The following SVOPL variants were observed in gnomAD, a reference collection of about 807,000 sequenced individuals.
SVOPL encodes the protein SVOP like.
Under a neutral mutation model 61.0 loss-of-function variants are expected in SVOPL, and 60 were observed. The ratio of observed to expected loss-of-function variants is 0.98; its 90% CI spans 0.80 to 1.22. The LOEUF (loss-of-function observed/expected upper bound fraction) is 1.22. Among genes scored for constraint, SVOPL ranks in the 50% most tolerant of loss-of-function variants. SVOPL has a pLI of 0.00. For synonymous variants in SVOPL, 279 were observed against 250.0 expected (o/e 1.12, Z -1.09); for missense variants, 662 against 643.9 (o/e 1.03, Z -0.30).
chr7:138,686,017 T>G (rs1027291107), intron 1 of SVOPL, among the ~76,000 whole-genome samples: 7 of 152,160 alleles, frequency 4.6e-5, no homozygotes, highest in Admixed American at 2.0e-4. Context: ...ATGTACCAGT[T>G]TTTATGTCAT....
At chr7:138,661,421 G>A in intron 5 of SVOPL, 2 of 984,944 alleles carry the variant, frequency 2.0e-6, no homozygotes, top group South Asian at 4.7e-5. Context: ...AGAACAGTCT[G>A]AGGAATGTGA....
In SVOPL at chr7:138,678,518, C is replaced by A. The variant is rs1802627341; in HGVS notation, c.90G>T (p.Lys30Asn). Reference sequence around the variant, plus strand: ...CCACTGCATCTTCCACGGTGAACGTCTTTGGCTCTAACAACGAAAGACAAA... The same window carrying A: ...CCACTGCATCTTCCACGGTGAACGTATTTGGCTCTAACAACGAAAGACAAA... ...GTAEPQVKEP[K>N]TFTVEDAVET... Residue 30 changes from lysine (K) to asparagine (N), a missense_variant, in exon 3 of 16, where the codon AAG (lysine) becomes AAT (asparagine). Transcript: ENST00000674285. 2.6e-6 allele frequency: 4 copies of A among 1,551,952 alleles called. No homozygotes were observed. Among genetic ancestry groups the A allele is most frequent in the Admixed American group, 2.0e-5 (1 of 50,966 alleles).
chr7:138,663,359 G>GC, intron 4 of SVOPL: 2 of 1,409,166 alleles, frequency 1.4e-6, no homozygotes, highest in Non-Finnish European at 1.8e-6. Flanking sequence ...GGCAGATCCT[G>GC]CCCCAGGTGG....
At chr7:138,677,468 G>GCT (rs1802595745) in intron 3 of SVOPL, among the ~76,000 whole-genome samples, 1 of 152,092 alleles carries the variant, frequency 6.6e-6, no homozygotes, top group South Asian at 2.1e-4. Flanking sequence ...ATAACATTAT[G>GCT]TGAAAAAGAA....
At chr7:138,656,588 T>C (rs1341257450) in intron 6 of SVOPL, 77 bp from the exon 7 acceptor site, 2 of 1,469,618 alleles carry the variant, frequency 1.4e-6, no homozygotes, top group African/African-American at 2.8e-5. Context: ...CAGTTTTTCT[T>C]GTCACAGGGA....
chr7:138,656,034 T>C (rs769587299), intron 7 of SVOPL, among the ~76,000 whole-genome samples: 4 of 152,248 alleles, frequency 2.6e-5, no homozygotes, highest in Non-Finnish European at 4.4e-5. Flanking sequence ...GCAAACTTCA[T>C]TGTTATCTTT....
intron 8 of SVOPL, among the ~76,000 whole-genome samples, chr7:138,647,414 G>A (rs191867424): frequency 1.2e-3 from 183 of 152,026 alleles, no homozygotes; most frequent in Non-Finnish European, 5.7e-4. Flanking sequence ...ATGACATGGC[G>A]AGAAGATAGC....
At chr7:138,699,356 A>G (rs1803140469) in intron 1 of SVOPL, among the ~76,000 whole-genome samples, 1 of 152,204 alleles carries the variant, frequency 6.6e-6, no homozygotes, top group Non-Finnish European at 1.5e-5. Flanking sequence ...AGAGTTACCA[A>G]ATACATATAT....
intron 14 of SVOPL, among the ~76,000 whole-genome samples, chr7:138,618,745 AAAGG>A (rs1164338439): frequency 1.3e-5 from 2 of 152,202 alleles, no homozygotes; most frequent in African/African-American, 4.8e-5. Flanking sequence ...AGGAAAAAGA[AAAGG>A]AAAGAAAGAA....
intron 13 of SVOPL, among the ~76,000 whole-genome samples, chr7:138,624,900 G>C (rs1273548939): frequency 1.3e-5 from 2 of 151,864 alleles, no homozygotes; most frequent in Non-Finnish European, 2.9e-5. Flanking sequence ...TGGCATTTTG[G>C]TTTCCTTGCC....
In SVOPL at chr7:138,649,123, C is replaced by T. The variant is rs756356205; in HGVS notation, c.549G>A (p.Ala183=). Residue 183 remains alanine (A), a synonymous_variant, in exon 8 of 16, where the codon GCG becomes GCA. Coordinates refer to ENST00000674285, the MANE Select transcript of SVOPL (RefSeq NM_001139456.2). ...MLPLSQVFWL[A]GSLLIIGLAS... is the part of the protein sequence containing the mutation. ...CCAAGCCAATGATGAGCAGGGAGCC[C>T]GCAAGCCAGAACACCTAGGAAGAGA... 3.1e-5 allele frequency: 50 copies of T among 1,612,844 alleles called. 2 individuals carry two copies. The South Asian group carries it at 3.7e-4, about 12-fold the overall frequency.
intron 9 of SVOPL, among the ~76,000 whole-genome samples, chr7:138,642,816 C>A (rs145358582): frequency 1.6e-5 from 2 of 123,874 alleles, no homozygotes; most frequent in Non-Finnish European, 1.6e-5. Context: ...GACGATAGAG[C>A]GAGACTCCTA....
intron 14 of SVOPL, among the ~76,000 whole-genome samples, chr7:138,597,886 G>A (rs960282849): frequency 2.0e-5 from 3 of 152,050 alleles, no homozygotes; most frequent in African/African-American, 7.2e-5. Flanking sequence ...TTAAAGTCCT[G>A]GGTGGTGTGA....
chr7:138,604,409 T>G (rs139481842), intron 14 of SVOPL, among the ~76,000 whole-genome samples: 9,244 of 152,204 alleles, frequency 0.061, 326 homozygotes, highest in Middle Eastern at 0.099. Context: ...CATGGTGGCT[T>G]ACGCCTGTAA....
At chr7:138,620,763 G>A (rs148234116) in intron 14 of SVOPL, among the ~76,000 whole-genome samples, 9 of 152,230 alleles carry the variant, frequency 5.9e-5, no homozygotes, top group East Asian at 1.9e-4. Flanking sequence ...CAAGCTTCTC[G>A]TGTTAACCAT....
intron 3 of SVOPL, among the ~76,000 whole-genome samples, chr7:138,675,319 A>G (rs1375520435): frequency 6.6e-6 from 1 of 152,080 alleles, no homozygotes; most frequent in African/African-American, 2.4e-5. Context: ...TCAAACTCAC[A>G]TGGCTACCTC....
chr7:138,654,534 C>CT (rs1801613615), intron 7 of SVOPL, among the ~76,000 whole-genome samples: 1 of 141,352 alleles, frequency 7.1e-6, no homozygotes, highest in Non-Finnish European at 1.5e-5. Context: ...GAGTCTCGCT[C>CT]TGTCACCCAG....
At chr7:138,623,824 A>AT (rs928788644) in intron 13 of SVOPL, among the ~76,000 whole-genome samples, 81 of 150,612 alleles carry the variant, frequency 5.4e-4, no homozygotes, top group Admixed American at 1.4e-3. Flanking sequence ...AAAGTCAATA[A>AT]TTTTTTTTTT....
At chr7:138,626,518 G>A (rs545055446) in intron 12 of SVOPL, among the ~76,000 whole-genome samples, 4 of 152,062 alleles carry the variant, frequency 2.6e-5, no homozygotes, top group Non-Finnish European at 5.9e-5. Flanking sequence ...TCAGCCTCTT[G>A]GGTAGCTGGG....
Sources: gnomAD v4.1 joint callset for allele counts (sites outside exome capture counted in the v4.1 genomes callset) on GRCh38, gnomAD v4.1.1 for gene constraint, MANE v1.5 for transcripts, NCBI Gene and HGNC (gene_info 2026-07-23, HGNC 2026-07-21) for gene names.